Variants in PIR observed in about 807,000 individuals in gnomAD.
PIR encodes pirin.
Under a neutral mutation model 24.2 loss-of-function variants are expected in PIR, and 22 were observed. That is an observed-to-expected ratio of 0.91 (90% CI 0.65 to 1.30). PIR has a LOEUF of 1.30. Among genes scored for constraint, PIR ranks in the 50% most tolerant of loss-of-function variants. PIR has a pLI of 0.00. For missense variants in PIR, 220 were observed against 220.3 expected, an observed-to-expected ratio of 1.00 and a Z score of 0.01; for synonymous variants, 80 against 79.6, an observed-to-expected ratio of 1.00 and a Z score of -0.03.
chrX:15,450,245 G>A (rs992786906), intron 5 of PIR, among the ~76,000 whole-genome samples: 2 of 111,047 alleles, frequency 1.8e-5, no homozygotes, highest in Non-Finnish European at 3.8e-5. Flanking sequence ...TTGGAAGGGA[G>A]AATTCCTTCC....
chrX:15,420,381 C>T (rs1033210511), intron 6 of PIR, among the ~76,000 whole-genome samples: 12 of 111,889 alleles, frequency 1.1e-4, no homozygotes, highest in Admixed American at 6.6e-4. Flanking sequence ...ATGAACCATA[C>T]ACTTCCTGCT....
intron 5 of PIR, among the ~76,000 whole-genome samples, chrX:15,444,645 A>C (rs1341666260): frequency 8.9e-6 from 1 of 111,774 alleles, no homozygotes; most frequent in Non-Finnish European, 1.9e-5. Context: ...ACCTACAAAA[A>C]CACTTAATGA....
intron 3 of PIR, among the ~76,000 whole-genome samples, chrX:15,477,573 C>A (rs1922261635): frequency 8.9e-6 from 1 of 111,933 alleles, no homozygotes; most frequent in African/African-American, 3.3e-5. Flanking sequence ...CAGATATTTT[C>A]TCCGTAAGGC....
chrX:15,465,023 G>C (rs1921487341), intron 3 of PIR, among the ~76,000 whole-genome samples: 1 of 111,664 alleles, frequency 9.0e-6, no homozygotes, highest in African/African-American at 3.3e-5. Context: ...TGGACATCAA[G>C]ATTTTTTTTT....
chrX:15,472,178 CGAA>C (rs1921956973), intron 3 of PIR, among the ~76,000 whole-genome samples: 1 of 111,412 alleles, frequency 9.0e-6, no homozygotes, highest in Admixed American at 9.6e-5. Flanking sequence ...GGCTGGTATG[CGAA>C]GAAGAAATTT....
At chrX:15,400,210 G>A (rs1215148473) in intron 7 of PIR, among the ~76,000 whole-genome samples, 1 of 111,642 alleles carries the variant, frequency 9.0e-6, no homozygotes, top group African/African-American at 3.3e-5. Flanking sequence ...ACTTATGCAG[G>A]GATTTGGCAA....
chrX:15,471,225 ACT>A (rs1921898260), intron 3 of PIR, among the ~76,000 whole-genome samples: 1 of 110,983 alleles, frequency 9.0e-6, no homozygotes, highest in Non-Finnish European at 1.9e-5. Context: ...CAGTTGTGAC[ACT>A]CAGAAATGAC....
intron 6 of PIR, among the ~76,000 whole-genome samples, chrX:15,419,565 G>A (rs1925048821): frequency 9.0e-6 from 1 of 111,540 alleles, no homozygotes; most frequent in African/African-American, 3.3e-5. Context: ...AATGCTAAAT[G>A]TGCAATTCTA....
intron 2 of PIR, among the ~76,000 whole-genome samples, chrX:15,480,768 A>G (rs1403606983): frequency 1.8e-5 from 2 of 112,462 alleles, no homozygotes; most frequent in African/African-American, 3.2e-5. Context: ...GTTGGGGCAA[A>G]AGATGCATAT....
At chrX:15,410,344 G>T (rs1569196384) in intron 6 of PIR, among the ~76,000 whole-genome samples, 1 of 112,246 alleles carries the variant, frequency 8.9e-6, no homozygotes, top group Non-Finnish European at 1.9e-5. Context: ...ACATAGAGAA[G>T]TAACTCATCC....
At chrX:15,421,891 TCAA>T (rs1392537095) in intron 6 of PIR, among the ~76,000 whole-genome samples, 2 of 111,417 alleles carry the variant, frequency 1.8e-5, no homozygotes, top group Admixed American at 9.6e-5. Context: ...GCAAAAACTC[TCAA>T]CAAAATACTA....
intron 6 of PIR, among the ~76,000 whole-genome samples, chrX:15,419,756 C>T (rs1259032471): frequency 1.9e-5 from 2 of 107,920 alleles, no homozygotes; most frequent in African/African-American, 3.4e-5. Context: ...ATTAGTTGGG[C>T]GTGGTGGTGG....
rs1192838504 is a variant in PIR at position 15,445,820 on chromosome X, CTTTTTTTT to C, written c.480+10020_480+10027del. ...CGTCATCTGTATATTCAAGATATTT[CTTTTTTTT>C]TTTTTTTTTTTTTTTTTTTGAGACG... On this transcript the variant is annotated intron_variant, in intron 5 of 9. Coordinates refer to ENST00000380420, the MANE Select transcript of PIR (RefSeq NM_001018109.3). 8.8e-3 allele frequency among the ~76,000 whole-genome samples: 569 copies of C among 64,861 alleles called. 4 individuals carry two copies. The highest frequency in any genetic ancestry group is 0.035 in the African/African-American group (527 of 14,915). The allele number at this position is 64,861 out of a possible 115,157, so 56.3% of individuals were successfully genotyped here. A position where few individuals can be genotyped will look rare whatever the true frequency, so the allele number is the denominator to read the frequency against.
intron 6 of PIR, among the ~76,000 whole-genome samples, chrX:15,419,343 CTGTGTGTGTGTGTGTGTGTGTG>C (rs34664851): frequency 1.8e-4 from 14 of 78,292 alleles, no homozygotes; most frequent in African/African-American, 4.6e-4. Flanking sequence ...ATGGATAAGT[CTGTGTGTGTGTGTGTGTGTGTG>C]TGTGTGTGTG....
At chrX:15,445,783 G>T in intron 5 of PIR, among the ~76,000 whole-genome samples, 1 of 104,610 alleles carries the variant, frequency 9.6e-6, no homozygotes, top group Non-Finnish European at 2.0e-5. Context: ...TGAGAAACTA[G>T]CCCAGGTGAA....
chrX:15,390,166 AT>A lies in PIR; in HGVS notation c.760+18del. On this transcript the variant is annotated intron_variant, in intron 9 of 9. Transcript: ENST00000380420. Reference sequence around the variant, plus strand: ...AAAAGGAAAATCAACCAAGAAAATCATTGTCATTTTGGTCTTACCATGTTGG... The same window carrying A: ...AAAAGGAAAATCAACCAAGAAAATCATGTCATTTTGGTCTTACCATGTTGG... 1 of 985,310 alleles carries A rather than the reference AT, an allele frequency of 1.0e-6. No homozygotes were observed. Among genetic ancestry groups the A allele is most frequent in the Non-Finnish European group, 1.4e-6 (1 of 712,558 alleles). The allele number at this position is 985,310 out of a possible 1,213,427, so 81.2% of individuals were successfully genotyped here. A position where few individuals can be genotyped will look rare whatever the true frequency, so the allele number is the denominator to read the frequency against.
chrX:15,435,215 AAAAGAAAAG>A (rs1925713372), intron 5 of PIR, among the ~76,000 whole-genome samples: 2 of 108,603 alleles, frequency 1.8e-5, no homozygotes, highest in African/African-American at 6.6e-5. Flanking sequence ...AAAGAGAAAG[AAAAGAAAAG>A]AAAGAAAAGA....
intron 4 of PIR, among the ~76,000 whole-genome samples, chrX:15,458,804 G>T (rs762633925): frequency 1.8e-5 from 2 of 112,696 alleles, no homozygotes; most frequent in East Asian, 2.8e-4. Flanking sequence ...CAGCTCCATG[G>T]TGCAGATGGC....
At chrX:15,390,370 T>A in intron 8 of PIR, 119 bp from the exon 9 acceptor site, 1 of 367,959 alleles carries the variant, frequency 2.7e-6, no homozygotes, top group Non-Finnish European at 4.5e-6. Context: ...CTGAATATAA[T>A]TTTCAAAAAT....
Sources: gnomAD v4.1 joint callset for allele counts (sites outside exome capture counted in the v4.1 genomes callset) on GRCh38, gnomAD v4.1.1 for gene constraint, MANE v1.5 for transcripts, NCBI Gene and HGNC (gene_info 2026-07-23, HGNC 2026-07-21) for gene names.